The following CTHRC1 variants were observed in gnomAD, a reference collection of about 807,000 sequenced individuals.
The protein encoded by CTHRC1 is collagen triple helix repeat-containing protein 1.
Under a neutral mutation model 25.9 loss-of-function variants are expected in CTHRC1, and 21 were observed. That is an observed-to-expected ratio of 0.81 (90% confidence interval 0.57 to 1.17). The LOEUF (loss-of-function observed/expected upper bound fraction) is 1.17, where lower values mean the gene tolerates loss of function less well. Ranked by LOEUF, CTHRC1 falls within the 50% of genes most tolerant of loss-of-function variation. The probability of loss-of-function intolerance (pLI) is 0.00; values close to 1 mark genes in which losing one functional copy is unlikely to be tolerated. For synonymous variants in CTHRC1, 109 were observed against 113.1 expected, an observed-to-expected ratio of 0.96 and a Z score of 0.23; for missense variants, 281 against 304.3, an observed-to-expected ratio of 0.92 and a Z score of 0.57.
At chr8:103,379,434 T>G (rs1394171867) in intron 3 of CTHRC1, among the ~76,000 whole-genome samples, 1 of 151,392 alleles carries the variant, frequency 6.6e-6, no homozygotes, top group Non-Finnish European at 1.5e-5. Context: ...ATTTTAAGAT[T>G]CATTAAAGAA....
At position 103,382,078 on chromosome 8, in the gene CTHRC1, T is replaced by A. The variant is rs192968035; in HGVS notation, c.590-380T>A. ...AGTGTCGGAAAGGGCTTTCTTTTTT[T>A]AAAAAAGACTTGCATATCAAATGAA... On this transcript the variant is annotated intron_variant, in intron 3 of 3. Coordinates refer to ENST00000330295, the MANE Select transcript of CTHRC1 (RefSeq NM_138455.4). Among the ~76,000 whole-genome samples, 1,359 of 152,262 alleles carry A rather than the reference T, an allele frequency of 8.9e-3. 15 individuals are homozygous for A. The highest frequency in any genetic ancestry group is 0.026 in the African/African-American group (1,065 of 41,566).
At chr8:103,373,762 G>T (rs1469563256) in intron 1 of CTHRC1, among the ~76,000 whole-genome samples, 1 of 149,644 alleles carries the variant, frequency 6.7e-6, no homozygotes, top group African/African-American at 2.5e-5. Flanking sequence ...ACATAGCCAA[G>T]TGTCCCCTGG....
intron 1 of CTHRC1, chr8:103,372,600 G>A: frequency 6.3e-7 from 1 of 1,598,288 alleles, no homozygotes; most frequent in South Asian, 1.1e-5. Flanking sequence ...GGAGAAAACA[G>A]TTTCCAGGAA....
intron 3 of CTHRC1, among the ~76,000 whole-genome samples, chr8:103,381,516 GT>G (rs1815910193): frequency 6.6e-6 from 1 of 151,180 alleles, no homozygotes; most frequent in African/African-American, 2.4e-5. Context: ...AACTTGTATT[GT>G]TAGTAGGTGA....
intron 3 of CTHRC1, among the ~76,000 whole-genome samples, chr8:103,381,997 CAA>C (rs768929764): frequency 5.8e-5 from 7 of 121,598 alleles, no homozygotes; most frequent in Non-Finnish European, 5.3e-5. Flanking sequence ...GATTCCATCT[CAA>C]AAAAAAAAAA....
chr8:103,376,879 T>A (rs954786166), intron 2 of CTHRC1, among the ~76,000 whole-genome samples: 30 of 152,246 alleles, frequency 2.0e-4, no homozygotes, highest in Admixed American at 3.9e-4. Context: ...ATGATGACTA[T>A]GACCTTTTCT....
chr8:103,375,801 A>G lies in CTHRC1; in HGVS notation c.214A>G (p.Asn72Asp). ...VPGRDGSPGA[N>D]GIPGTPGIPG... is the part of the protein sequence containing the mutation. ...TGGTCGAGACGGGAGCCCTGGGGCC[A>G]ATGGCATTCCGGGTACACCTGGGAT... The change falls in exon 2 of 4, where the codon AAT becomes GAT. Residue 72 changes from asparagine (N) to aspartate (D), a missense_variant. Coordinates refer to ENST00000330295, the MANE Select transcript of CTHRC1 (RefSeq NM_138455.4). The G allele has an allele frequency of 6.2e-7, 1 of 1,614,092 alleles. No individual in the cohort carries two copies. Among genetic ancestry groups the G allele is most frequent in the South Asian group, 1.1e-5 (1 of 91,072 alleles).
intron 3 of CTHRC1, among the ~76,000 whole-genome samples, chr8:103,381,859 G>A (rs1468482090): frequency 5.3e-5 from 8 of 152,042 alleles, no homozygotes; most frequent in South Asian, 2.1e-4. Flanking sequence ...TTAGCCAGGC[G>A]TGGTGGCAGG....
At chr8:103,380,311 A>G (rs1040402377) in intron 3 of CTHRC1, among the ~76,000 whole-genome samples, 2 of 152,202 alleles carry the variant, frequency 1.3e-5, no homozygotes, top group African/African-American at 4.8e-5. Flanking sequence ...TTTCCCAACC[A>G]TTGTGTGCAA....
intron 1 of CTHRC1, chr8:103,372,765 C>A: frequency 1.3e-6 from 1 of 788,516 alleles, no homozygotes; most frequent in Non-Finnish European, 2.0e-6. Context: ...CTACCGTAGT[C>A]CTTGGCATAT....
intron 1 of CTHRC1, chr8:103,372,304 A>C (rs1181407683): frequency 1.6e-6 from 1 of 642,064 alleles, no homozygotes. Context: ...AGAGAATAAC[A>C]ACCCCCACAA....
At chr8:103,381,773 T>G (rs1815915821) in intron 3 of CTHRC1, among the ~76,000 whole-genome samples, 1 of 151,984 alleles carries the variant, frequency 6.6e-6, no homozygotes, top group East Asian at 1.9e-4. Context: ...CCGAAGTGGG[T>G]AAATCACGAG....
chr8:103,371,875 C>T, intron 1 of CTHRC1, 69 bp downstream of exon 1: 2 of 1,412,372 alleles, frequency 1.4e-6, no homozygotes, highest in Non-Finnish European at 1.9e-6. Context: ...GCCCCACGGG[C>T]AGGGCGTCAG....
In CTHRC1 at chr8:103,375,973, A is replaced by C; in HGVS notation, c.372+14A>C. On this transcript the variant is annotated intron_variant, in intron 2 of 3. Coordinates refer to ENST00000330295, the MANE Select transcript of CTHRC1 (RefSeq NM_138455.4). ...GGGAAAATTGCGGTAAGTTTGAATT[A>C]TTTTAAAATTGAAGCAAGATTTAAG... 8 of 1,587,062 alleles carry C rather than the reference A, an allele frequency of 5.0e-6. 1 individual carries two copies. The South Asian group carries it at 6.7e-5, about 13-fold the overall frequency.
intron 1 of CTHRC1, chr8:103,372,356 C>A: frequency 9.2e-7 from 1 of 1,090,290 alleles, no homozygotes; most frequent in Non-Finnish European, 1.3e-6. Flanking sequence ...CTATGAGTCA[C>A]GTTGGGTCAT....
Position 103,382,533 on chromosome 8 carries a change from C to T in CTHRC1, c.665C>T (p.Pro222Leu). 6.2e-7 allele frequency: 1 copy of T among 1,613,084 alleles called. No individual in the cohort carries two copies. Among genetic ancestry groups the T allele is most frequent in the Non-Finnish European group, 8.5e-7 (1 of 1,179,218 alleles). ...AIWVGTCSDY[P>L]KGDASTGWNS... ...TGGGTTGGTACTTGTTCAGATTACC[C>T]AAAAGGAGATGCTTCTACTGGATGG... The change falls in exon 4 of 4, where the codon CCA (proline) becomes CTA (leucine). Residue 222 changes from proline (P) to leucine (L), a missense_variant. Transcript: ENST00000330295.
chr8:103,374,813 A>G (rs1185301079), intron 1 of CTHRC1, among the ~76,000 whole-genome samples: 4 of 152,200 alleles, frequency 2.6e-5, no homozygotes, highest in African/African-American at 9.7e-5. Context: ...ACTCTTTATT[A>G]TTATCCACAT....
rs762535473 is a variant in CTHRC1 at position 103,376,067 on chromosome 8, G to C, written c.372+108G>C. On this transcript the variant is annotated intron_variant, in intron 2 of 3. Transcript: ENST00000330295. ...TTTTTTAACTAAAAGACTTAAAAAA[G>C]AGAAGTAGGTAGCATGTGACTTTTA... The C allele has an allele frequency of 4.5e-5, 38 of 837,834 alleles. 1 individual carries two copies. The highest frequency in any genetic ancestry group is 2.8e-4 in the Admixed American group (13 of 46,808). The allele number at this position is 837,834 out of a possible 1,614,324, so 51.9% of individuals were successfully genotyped here. A position where few individuals can be genotyped will look rare whatever the true frequency, so the allele number is the denominator to read the frequency against.
chr8:103,375,964 G>C lies in CTHRC1; in HGVS notation c.372+5G>C. On this transcript the variant is annotated splice_donor_5th_base_variant and intron_variant, in intron 2 of 3. Coordinates refer to ENST00000330295, the MANE Select transcript of CTHRC1 (RefSeq NM_138455.4). The stretch of plus-strand genomic sequence containing the variant: ...ATAGATCTTGGGAAAATTGCGGTAA[G>C]TTTGAATTATTTTAAAATTGAAGCA... 1 of 1,603,502 alleles carries C rather than the reference G, an allele frequency of 6.2e-7. No individual in the cohort carries two copies. The highest frequency in any genetic ancestry group is 8.5e-7 in the Non-Finnish European group (1 of 1,171,362).
Sources: allele counts gnomAD v4.1 joint callset (sites outside exome capture counted in the v4.1 genomes callset), GRCh38; gene constraint gnomAD v4.1.1; transcripts MANE v1.5; gene names NCBI Gene and HGNC (gene_info 2026-07-23, HGNC 2026-07-21).